Variants in SYCE1 observed in about 807,000 individuals in gnomAD.
The protein encoded by SYCE1 is cancer/testis antigen 76.
Under a neutral mutation model 55.1 loss-of-function variants are expected in SYCE1, and 37 were observed. The observed-to-expected ratio is 0.67, with a 90% CI of 0.52 to 0.88. The LOEUF (loss-of-function observed/expected upper bound fraction) is 0.88. Ranked by LOEUF, SYCE1 falls within the 40% of genes least tolerant of loss-of-function variation. The pLI is 0.00. For synonymous variants in SYCE1, 163 were observed against 159.4 expected (o/e 1.02, Z -0.17); for missense variants, 399 against 416.4 (o/e 0.96, Z 0.36).
chr10:133,561,892 T>C (rs1851822453), intron 1 of SYCE1, among the ~76,000 whole-genome samples: 1 of 151,958 alleles, frequency 6.6e-6, no homozygotes, highest in African/African-American at 2.4e-5. Context: ...AGTGGCTAAA[T>C]TCCCACCAGA....
intron 4 of SYCE1, 117 bp downstream of exon 4, chr10:133,558,760 A>T: frequency 1.0e-6 from 1 of 960,404 alleles, no homozygotes; most frequent in Non-Finnish European, 1.6e-6. Flanking sequence ...GCAGGACATG[A>T]GGCTAGAGAG....
chr10:133,566,171 A>G (rs1851930462), upstream of SYCE1, among the ~76,000 whole-genome samples: 1 of 152,182 alleles, frequency 6.6e-6, no homozygotes, highest in Non-Finnish European at 1.5e-5. Flanking sequence ...GCCACCGTGG[A>G]GGCCCGGAGG....
chr10:133,555,201 T>C, intron 12 of SYCE1, 72 bp from the exon 13 acceptor site: 1 of 1,534,602 alleles, frequency 6.5e-7, no homozygotes, highest in Admixed American at 2.0e-5. Context: ...TCCTGCCCCA[T>C]CACCACCTTG....
rs1851903111 is a variant in SYCE1 at position 133,565,377 on chromosome 10, A to T, written c.73+80T>A. 2.3e-6 allele frequency: 3 copies of T among 1,300,432 alleles called. No homozygotes were observed. In the African/African-American group the frequency reaches 4.6e-5, roughly 20 times the overall value. The allele number at this position is 1,300,432 out of a possible 1,614,324, so 80.6% of individuals were successfully genotyped here. A position where few individuals can be genotyped will look rare whatever the true frequency, so the allele number is the denominator to read the frequency against. On this transcript the variant is annotated intron_variant, in intron 1 of 12. Transcript: ENST00000343131. ...AGCATCAGGACTGACAGGAAGAAGC[A>T]GCCGCCACCCGCGCCCCAACCCTGC...
At chr10:133,566,710 TA>T (rs762334887), upstream of SYCE1, among the ~76,000 whole-genome samples, 10 of 149,796 alleles carry the variant, frequency 6.7e-5, no homozygotes, top group Non-Finnish European at 1.5e-4. Flanking sequence ...GGTTTTAGGG[TA>T]GGGGATAGGG....
At chr10:133,568,232 A>C (rs1172319006), upstream of SYCE1, 2 of 1,366,280 alleles carry the variant, frequency 1.5e-6, no homozygotes, top group Non-Finnish European at 2.0e-6. Flanking sequence ...CCGGGAACCC[A>C]GTCCTCCTCG....
At position 133,560,097 on chromosome 10, in the gene SYCE1, G is replaced by A; in HGVS notation, c.130C>T (p.Gln44Ter). The change falls in exon 2 of 13, where the codon CAG becomes TAG. Residue 44 changes from glutamine (Q) to a stop codon, truncating the protein, a stop_gained. Transcript: ENST00000343131. LOFTEE classifies it high-confidence loss of function. ...CACAAAGGAGACACACGACCTTTCT[G>A]CAGCTTTTGCACCATTTCCATCAAG... is the stretch of plus-strand genomic sequence containing the variant. ...EDLMEMVQKLQKVGSLEPRVE... is the reference protein window; with the variant it reads ...EDLMEMVQKL 1 of 1,613,992 alleles carries A rather than the reference G, an allele frequency of 6.2e-7. No homozygotes were observed. Among genetic ancestry groups the A allele is most frequent in the South Asian group, 1.1e-5 (1 of 91,070 alleles).
chr10:133,554,273 G>A (rs781156564), downstream of SYCE1: 2 of 1,612,902 alleles, frequency 1.2e-6, no homozygotes, highest in South Asian at 2.2e-5. Flanking sequence ...ACAGTGCTCT[G>A]CAGTGAGCCT....
chr10:133,559,787 A>AG, intron 2 of SYCE1: 1 of 443,650 alleles, frequency 2.3e-6, no homozygotes, highest in Non-Finnish European at 4.1e-6. Flanking sequence ...GTAGCGGGTG[A>AG]GGGGGAAGGA....
At position 133,556,732 on chromosome 10, in the gene SYCE1, G is replaced by C. The variant is rs767892216; in HGVS notation, c.528+27C>G. Reference sequence around the variant, plus strand: ...GGTGCTGCTAGGGAAGATGTGGAAGGGGGAGGAGTGGCTTTGAGGGACTCA... The same window carrying C: ...GGTGCTGCTAGGGAAGATGTGGAAGCGGGAGGAGTGGCTTTGAGGGACTCA... On this transcript the variant is annotated intron_variant, in intron 8 of 12. Transcript: ENST00000343131. 7.7e-6 allele frequency: 12 copies of C among 1,553,862 alleles called. No individual in the cohort carries two copies. The South Asian group carries it at 1.1e-4, about 14-fold the overall frequency.
At position 133,559,430 on chromosome 10, in the gene SYCE1, T is replaced by C. The variant is rs1249495807; in HGVS notation, c.137-70A>G. 4.7e-6 allele frequency: 7 copies of C among 1,480,888 alleles called. No homozygotes were observed. The Admixed American group carries it at 5.0e-5, about 11-fold the overall frequency. The allele number at this position is 1,480,888 out of a possible 1,614,324, so 91.7% of individuals were successfully genotyped here. A position where few individuals can be genotyped will look rare whatever the true frequency, so the allele number is the denominator to read the frequency against. ...GGGGCGGTTGCCAGCCTTGTGTCTC[T>C]GCTGCTTTCACGCAACACAGATCTA... On this transcript the variant is annotated intron_variant, in intron 2 of 12. Coordinates refer to ENST00000343131, the MANE Select transcript of SYCE1 (RefSeq NM_001143764.3).
At position 133,556,778 on chromosome 10, in the gene SYCE1, T is replaced by C. The variant is rs1361458816; in HGVS notation, c.509A>G (p.Lys170Arg). Residue 170 changes from lysine to arginine, a missense_variant, in exon 8 of 13, where the codon AAG (lysine) becomes AGG (arginine). By Grantham distance (26) the Lys-to-Arg change is conservative (BLOSUM62 2). Transcript: ENST00000343131. ...EQLEDLMGQH[K>R]DLWDFHMPER... ...ACTCACGTGGAAGTCCCAGAGGTCC[T>C]TGTGCTGGCCCATCAGATCTTCCAG... is the stretch of plus-strand genomic sequence containing the variant. The C allele has an allele frequency of 6.4e-7, 1 of 1,570,402 alleles. No homozygotes were observed. Among genetic ancestry groups the C allele is most frequent in the Non-Finnish European group, 8.6e-7 (1 of 1,157,726 alleles).
At chr10:133,558,023 T>G in intron 5 of SYCE1, 105 bp from the exon 6 acceptor site, 1 of 1,534,970 alleles carries the variant, frequency 6.5e-7, no homozygotes, top group Non-Finnish European at 9.0e-7. Flanking sequence ...CTGATTGAGC[T>G]TTAACATTTA....
rs1473618159 is a variant in SYCE1 at position 133,554,976 on chromosome 10, A to C, written c.*16T>G. ...TTGGGCCTGACCCCTACTCCTCACC[A>C]GTAGACTTAGCTGTATCAAAATAGC... On this transcript the variant is annotated 3_prime_UTR_variant, in exon 13 of 13. Coordinates refer to ENST00000343131, the MANE Select transcript of SYCE1 (RefSeq NM_001143764.3). The C allele has an allele frequency of 6.6e-7, 1 of 1,525,920 alleles. No homozygotes were observed. Among genetic ancestry groups the C allele is most frequent in the Admixed American group, 2.1e-5 (1 of 47,704 alleles). The allele number at this position is 1,525,920 out of a possible 1,614,324, so 94.5% of individuals were successfully genotyped here. A position where few individuals can be genotyped will look rare whatever the true frequency, so the allele number is the denominator to read the frequency against.
In SYCE1 at chr10:133,555,912, C is replaced by G; in HGVS notation, c.596-9G>C. 2 of 1,613,800 alleles carry G rather than the reference C, an allele frequency of 1.2e-6. No individual in the cohort carries two copies. Among genetic ancestry groups the G allele is most frequent in the South Asian group, 2.2e-5 (2 of 91,000 alleles). On this transcript the variant is annotated splice_polypyrimidine_tract_variant and intron_variant, in intron 9 of 12. Transcript: ENST00000343131. ...CGCCTTGACCAGCTTCTCTGCAGCA[C>G]AAAGGGGCAGGTGAGCACATGAAGG... is the stretch of plus-strand genomic sequence containing the variant.
chr10:133,557,888 T>C lies in SYCE1; in HGVS notation c.350A>G (p.Gln117Arg), dbSNP rs775518484. ...CCTGTGTGCCTCACTTTCCTTTTCC[T>C]GGCAATGCAGCCGGAGGATCCTCAG... ...ETLRILRLHC[Q>R]EKESEAHRKH... The change falls in exon 6 of 13, where the codon CAG becomes CGG. Residue 117 changes from glutamine to arginine, a missense_variant. Gln to Arg is a conservative substitution (Grantham distance 43). Coordinates refer to ENST00000343131, the MANE Select transcript of SYCE1 (RefSeq NM_001143764.3). The C allele has an allele frequency of 6.2e-7, 1 of 1,614,142 alleles. No individual in the cohort carries two copies. The highest frequency in any genetic ancestry group is 8.5e-7 in the Non-Finnish European group (1 of 1,180,032).
chr10:133,558,346 C>T (rs1012332772), intron 4 of SYCE1, 132 bp from the exon 5 acceptor site: 12 of 937,142 alleles, frequency 1.3e-5, no homozygotes, highest in Middle Eastern at 4.7e-4. Flanking sequence ...TGAGGTGAGC[C>T]CCTCCCTACC....
chr10:133,555,884 T>G lies in SYCE1; in HGVS notation c.615A>C (p.Thr205=), dbSNP rs762537013. 3 of 1,613,944 alleles carry G rather than the reference T, an allele frequency of 1.9e-6. No homozygotes were observed. The highest frequency in any genetic ancestry group is 2.7e-5 in the African/African-American group (2 of 74,926). ...ACAGCTGATGCTTCACGTCTTCCAG[T>G]GTCGCCTTGACCAGCTTCTCTGCAG... is the stretch of plus-strand genomic sequence containing the variant. ...LLKEEKLVKA[T]LEDVKHQLCS... The change falls in exon 10 of 13, where the codon ACA becomes ACC. Residue 205 remains threonine (T), a synonymous_variant. Coordinates refer to ENST00000343131, the MANE Select transcript of SYCE1 (RefSeq NM_001143764.3).
chr10:133,565,444 C>T lies in SYCE1; in HGVS notation c.73+13G>A, dbSNP rs751067402. 2.6e-6 allele frequency: 4 copies of T among 1,545,688 alleles called. No homozygotes were observed. In the South Asian group the frequency reaches 3.6e-5, roughly 14 times the overall value. ...CAGACCCTCACGCACAGTTCCCTGC[C>T]TCCCACCACTACCTCCGGCCTTCTC... On this transcript the variant is annotated intron_variant, in intron 1 of 12. Transcript: ENST00000343131.
Sources: gnomAD v4.1 joint callset for allele counts (sites outside exome capture counted in the v4.1 genomes callset) on GRCh38, gnomAD v4.1.1 for gene constraint, MANE v1.5 for transcripts, NCBI Gene and HGNC (gene_info 2026-07-23, HGNC 2026-07-21) for gene names.